The following SYT6 variants were observed in gnomAD, a reference collection of about 807,000 sequenced individuals.
The protein encoded by SYT6 is synaptotagmin-6.
SYT6 carries 24 observed loss-of-function variants against 38.4 expected under a neutral mutation model. That is an observed-to-expected ratio of 0.62 (90% CI 0.45 to 0.88). SYT6 has a LOEUF of 0.88. SYT6 is among the 40% of genes least tolerant of loss of function. SYT6 has a pLI of 0.00. For missense variants in SYT6, 611 were observed against 621.0 expected (o/e 0.98, Z 0.17); for synonymous variants, 265 against 241.9 (o/e 1.10, Z -0.89).
At chr1:114,101,820 G>A (rs74112920) in intron 4 of SYT6, among the ~76,000 whole-genome samples, 3,831 of 152,154 alleles carry the variant, frequency 0.025, 145 homozygotes, top group African/African-American at 0.087. Flanking sequence ...CCATTCATTC[G>A]GTATCTATTT....
At chr1:114,142,730 A>G (rs1247221939) in intron 1 of SYT6, among the ~76,000 whole-genome samples, 1 of 152,226 alleles carries the variant, frequency 6.6e-6, no homozygotes, top group Admixed American at 6.5e-5. Flanking sequence ...TCCAGCCACC[A>G]GCAACCACCA....
chr1:114,097,942 G>A, intron 5 of SYT6, 65 bp from the exon 6 acceptor site: 1 of 1,584,842 alleles, frequency 6.3e-7, no homozygotes, highest in Non-Finnish European at 8.6e-7. Context: ...GAGGTCCAGT[G>A]TGGGGGGTGG....
intron 3 of SYT6, among the ~76,000 whole-genome samples, chr1:114,136,388 A>C (rs542048025): frequency 6.6e-6 from 1 of 152,334 alleles, no homozygotes; most frequent in East Asian, 1.9e-4. Context: ...GTTAGCACTC[A>C]AGAGAGCAGA....
At chr1:114,143,574 G>GTGTGTGTA (rs572184359) in intron 1 of SYT6, among the ~76,000 whole-genome samples, 139 of 150,142 alleles carry the variant, frequency 9.3e-4, no homozygotes, top group Middle Eastern at 3.5e-3. Context: ...GTGTGTGTGT[G>GTGTGTGTA]TATATATATA....
At chr1:114,093,518 CCTT>C (rs930600717) in intron 7 of SYT6, among the ~76,000 whole-genome samples, 7 of 152,298 alleles carry the variant, frequency 4.6e-5, no homozygotes, top group African/African-American at 7.2e-5. Flanking sequence ...TCCAGTCTAA[CCTT>C]CTTGTTCTCG....
chr1:114,101,228 C>T (rs1675949947), intron 4 of SYT6, among the ~76,000 whole-genome samples: 3 of 152,124 alleles, frequency 2.0e-5, no homozygotes, highest in Admixed American at 2.0e-4. Context: ...ATTTCCCTTG[C>T]AGGAACCAAC....
rs550120918 is a variant in SYT6 at position 114,121,509 on chromosome 1, C to T, written c.1071+15986G>A. 7.2e-5 allele frequency among the ~76,000 whole-genome samples: 11 copies of T among 152,264 alleles called. No homozygotes were observed. In the East Asian group the frequency reaches 1.3e-3, roughly 19 times the overall value. On this transcript the variant is annotated intron_variant, in intron 3 of 7. Coordinates refer to ENST00000610222, the MANE Select transcript of SYT6 (RefSeq NM_001253772.2). ...GCAACAGGAGGACCCTGGGGCTCAT[C>T]GAAATGGGAGTTGCAGTATTCTTGG... is the stretch of plus-strand genomic sequence containing the variant.
In SYT6 at chr1:114,152,540, C is replaced by T. The variant is rs35053009; in HGVS notation, c.163+1070G>A. ...CGCGACCCAGTACTCCCTCCCGCCC[C>T]GGACCCTCCAGATATCGGGACAAAG... On this transcript the variant is annotated intron_variant, in intron 1 of 7. Transcript: ENST00000610222. 588 of 152,442 alleles carry T rather than the reference C, an allele frequency of 3.9e-3. 4 individuals carry two copies. Among genetic ancestry groups the T allele is most frequent in the South Asian group, 0.021 (102 of 4,834 alleles). The allele number at this position is 152,442 out of a possible 1,614,324, so 9.4% of individuals were successfully genotyped here. A position where few individuals can be genotyped will look rare whatever the true frequency, so the allele number is the denominator to read the frequency against.
At chr1:114,133,201 A>C (rs1266018156) in intron 3 of SYT6, among the ~76,000 whole-genome samples, 1 of 152,008 alleles carries the variant, frequency 6.6e-6, no homozygotes, top group Non-Finnish European at 1.5e-5. Context: ...ACACACACAC[A>C]CGCATACTCT....
In SYT6 at chr1:114,112,305, AG is replaced by A. The variant is rs1676735771; in HGVS notation, c.1072-8585del. Among the ~76,000 whole-genome samples, 6 of 152,310 alleles carry A rather than the reference AG, an allele frequency of 3.9e-5. No individual in the cohort carries two copies. In the South Asian group the frequency reaches 1.2e-3, roughly 32 times the overall value. ...AGATCCTTGAGTCTGGGTTTGTCCT[AG>A]GGACCCATTGAGACTAAAGCACATC... On this transcript the variant is annotated intron_variant, in intron 3 of 7. Transcript: ENST00000610222.
chr1:114,139,477 CA>C, intron 2 of SYT6, 137 bp downstream of exon 2: 1 of 1,377,376 alleles, frequency 7.3e-7, no homozygotes, highest in Admixed American at 2.4e-5. Context: ...TCATGGCTCA[CA>C]TCATCTGACA....
chr1:114,109,965 G>A (rs747982182), intron 3 of SYT6, among the ~76,000 whole-genome samples: 6 of 152,294 alleles, frequency 3.9e-5, no homozygotes, highest in South Asian at 2.1e-4. Context: ...GGGAGTGTTC[G>A]GGGCGCATGA....
chr1:114,101,139 C>T (rs1298048350), intron 4 of SYT6, among the ~76,000 whole-genome samples: 1 of 152,160 alleles, frequency 6.6e-6, no homozygotes, highest in Non-Finnish European at 1.5e-5. Flanking sequence ...TCTTCCACCT[C>T]ACCCTCCCGA....
intron 3 of SYT6, among the ~76,000 whole-genome samples, chr1:114,116,799 C>G (rs866067899): frequency 6.6e-6 from 1 of 152,210 alleles, no homozygotes; most frequent in Admixed American, 6.5e-5. Context: ...GGAAGTCCCC[C>G]CAAATGGCTG....
chr1:114,130,573 T>A (rs1678086601), intron 3 of SYT6, among the ~76,000 whole-genome samples: 1 of 152,190 alleles, frequency 6.6e-6, no homozygotes, highest in Non-Finnish European at 1.5e-5. Flanking sequence ...CTCACTCTCC[T>A]CGCTTCAATA....
intron 3 of SYT6, among the ~76,000 whole-genome samples, chr1:114,106,267 C>A (rs1676308306): frequency 6.6e-6 from 1 of 151,960 alleles, no homozygotes; most frequent in African/African-American, 2.4e-5. Flanking sequence ...CAACCCATTG[C>A]ACATGGACTG....
intron 3 of SYT6, among the ~76,000 whole-genome samples, chr1:114,134,570 A>G (rs1183648288): frequency 1.3e-5 from 2 of 152,172 alleles, no homozygotes; most frequent in Non-Finnish European, 2.9e-5. Flanking sequence ...CACACGGGAG[A>G]GGCAGCTGCT....
chr1:114,127,169 C>A (rs2101055559), intron 3 of SYT6, among the ~76,000 whole-genome samples: 1 of 152,344 alleles, frequency 6.6e-6, no homozygotes, highest in Non-Finnish European at 1.5e-5. Flanking sequence ...CCAAGAACAG[C>A]TACAGGTCCT....
intron 1 of SYT6, among the ~76,000 whole-genome samples, chr1:114,150,406 G>A (rs142720620): frequency 6.8e-4 from 103 of 152,294 alleles, no homozygotes; most frequent in Non-Finnish European, 1.2e-3. Flanking sequence ...CTAAAGGATT[G>A]TGCATTGTAC....
Sources: allele counts gnomAD v4.1 joint callset (sites outside exome capture counted in the v4.1 genomes callset), GRCh38; gene constraint gnomAD v4.1.1; transcripts MANE v1.5; gene names NCBI Gene and HGNC (gene_info 2026-07-23, HGNC 2026-07-21).